PIWIL2: variants seen among roughly 807,000 people sequenced by gnomAD.
PIWIL2 encodes piwi-like protein 2.
Under a neutral mutation model 116.5 loss-of-function variants are expected in PIWIL2, and 81 were observed. The observed-to-expected ratio is 0.70, with a 90% CI of 0.58 to 0.84. The LOEUF is 0.84. Among genes scored for constraint, PIWIL2 ranks in the 40% least tolerant of loss-of-function variants. PIWIL2 has a pLI of 0.00. For missense variants in PIWIL2, 1,272 were observed against 1,212.3 expected (o/e 1.05, Z -0.73); for synonymous variants, 489 against 429.5 (o/e 1.14, Z -1.71).
In PIWIL2 at chr8:22,281,318, C is replaced by A. The variant is rs1830494165; in HGVS notation, c.287-59C>A. The A allele has an allele frequency of 3.3e-6, 5 of 1,529,744 alleles. No homozygotes were observed. In the Admixed American group the frequency reaches 8.7e-5, roughly 27 times the overall value. 94.8% of individuals were successfully genotyped at this position (1,529,744 alleles called of 1,614,324 possible). Reference sequence around the variant, plus strand: ...ACTGTGCTTTTTTTAAAAAAAAAAACTATACTTTAAAACACGTTTAAGTCA... The same window carrying A: ...ACTGTGCTTTTTTTAAAAAAAAAAAATATACTTTAAAACACGTTTAAGTCA... On this transcript the variant is annotated intron_variant, in intron 3 of 22. Transcript: ENST00000356766.
chr8:22,334,752 T>C (rs1283275749), intron 20 of PIWIL2, among the ~76,000 whole-genome samples: 1 of 151,934 alleles, frequency 6.6e-6, no homozygotes, highest in East Asian at 1.9e-4. Flanking sequence ...GGCAAGATTA[T>C]TGTAAATTAA....
chr8:22,340,382 C>T (rs1281107126), intron 20 of PIWIL2, among the ~76,000 whole-genome samples: 2 of 152,114 alleles, frequency 1.3e-5, no homozygotes, highest in Non-Finnish European at 2.9e-5. Flanking sequence ...GCATTGAGAC[C>T]ATACTACGTT....
chr8:22,314,273 T>TA, intron 16 of PIWIL2, 55 bp from the exon 17 acceptor site: 3 of 960,178 alleles, frequency 3.1e-6, no homozygotes, highest in Non-Finnish European at 4.5e-6. Context: ...TAGAGTCCTG[T>TA]AAAAGTCCCC....
intron 13 of PIWIL2, among the ~76,000 whole-genome samples, chr8:22,307,228 C>G (rs926412460): frequency 3.3e-5 from 5 of 152,184 alleles, no homozygotes; most frequent in South Asian, 2.1e-4. Context: ...AGCTATGTTG[C>G]CCAGGCTGGT....
Position 22,351,440 on chromosome 8 carries a change from C to CATATATATATAT in PIWIL2, c.2404-1487_2404-1476dup, listed in dbSNP as rs71544885. Among the ~76,000 whole-genome samples the CATATATATATAT allele has an allele frequency of 4.5e-3, 235 of 52,764 alleles. 5 individuals are homozygous for CATATATATATAT. The highest frequency in any genetic ancestry group is 5.8e-3 in the Non-Finnish European group (147 of 25,454). The allele number at this position is 52,764 out of a possible 152,430, so 34.6% of individuals were successfully genotyped here. ...ACCTGTAAGGAACAGTGCATACATA[C>CATATATATATAT]ATATATATATATATATATATATATA... On this transcript the variant is annotated intron_variant, in intron 20 of 22. Transcript: ENST00000356766.
rs1586556572 is a variant in PIWIL2, at chr8:22,301,860, T to G, written c.1182-2161T>G. On this transcript the variant is annotated intron_variant, in intron 10 of 22. Coordinates refer to ENST00000356766, the MANE Select transcript of PIWIL2 (RefSeq NM_018068.5). ...GTTTAAGTATCATAGCACTGTTTCT[T>G]GAAAAGATTGTCCTTCCCTACTGAT... Among the ~76,000 whole-genome samples, 3 of 152,306 alleles carry G rather than the reference T, an allele frequency of 2.0e-5. No homozygotes were observed. The East Asian group carries it at 5.8e-4, about 29-fold the overall frequency.
At chr8:22,335,112 T>TC (rs1391836406) in intron 20 of PIWIL2, among the ~76,000 whole-genome samples, 2 of 148,012 alleles carry the variant, frequency 1.4e-5, no homozygotes, top group African/African-American at 2.5e-5. Flanking sequence ...AGAAAATAAC[T>TC]CCAAGATATA....
At chr8:22,324,409 C>G (rs1413454878) in intron 20 of PIWIL2, among the ~76,000 whole-genome samples, 1 of 152,162 alleles carries the variant, frequency 6.6e-6, no homozygotes, top group Non-Finnish European at 1.5e-5. Context: ...CTGATCTAGA[C>G]TGCCGGCAGC....
At chr8:22,348,231 C>T (rs746190549) in intron 20 of PIWIL2, among the ~76,000 whole-genome samples, 1 of 149,858 alleles carries the variant, frequency 6.7e-6, no homozygotes, top group African/African-American at 2.5e-5. Flanking sequence ...ACCCGGGAGG[C>T]GGAGGTTGCA....
chr8:22,329,384 C>G (rs867120989), intron 20 of PIWIL2, among the ~76,000 whole-genome samples: 4 of 152,178 alleles, frequency 2.6e-5, no homozygotes, highest in Non-Finnish European at 4.4e-5. Flanking sequence ...ATCCACTCAG[C>G]TGCTAGGGAG....
At chr8:22,322,860 T>G (rs1401492707) in intron 20 of PIWIL2, among the ~76,000 whole-genome samples, 1 of 152,138 alleles carries the variant, frequency 6.6e-6, no homozygotes, top group East Asian at 1.9e-4. Flanking sequence ...TTTCTTAGAA[T>G]TATCTCAGGT....
At chr8:22,327,529 A>G (rs573404179) in intron 20 of PIWIL2, among the ~76,000 whole-genome samples, 1 of 147,352 alleles carries the variant, frequency 6.8e-6, no homozygotes, top group African/African-American at 2.5e-5. Context: ...CACCACGCCC[A>G]GCTAATTTTG....
At chr8:22,322,256 C>A (rs372904238) in intron 20 of PIWIL2, among the ~76,000 whole-genome samples, 2 of 151,854 alleles carry the variant, frequency 1.3e-5, no homozygotes, top group Non-Finnish European at 2.9e-5. Context: ...GCCCCTCCCC[C>A]CCACCTTTTT....
intron 20 of PIWIL2, among the ~76,000 whole-genome samples, chr8:22,333,562 A>G (rs1000630805): frequency 6.6e-6 from 1 of 152,100 alleles, no homozygotes; most frequent in East Asian, 1.9e-4. Flanking sequence ...CGGTGAGCCA[A>G]TATCACGCCA....
intron 20 of PIWIL2, among the ~76,000 whole-genome samples, chr8:22,352,560 A>G (rs1832396987): frequency 6.6e-6 from 1 of 152,208 alleles, no homozygotes; most frequent in Non-Finnish European, 1.5e-5. Flanking sequence ...GTCATATGTT[A>G]GAATTTCTCT....
intron 20 of PIWIL2, among the ~76,000 whole-genome samples, chr8:22,328,817 CGT>C (rs1563408427): frequency 4.3e-4 from 20 of 46,564 alleles, no homozygotes; most frequent in Admixed American, 3.1e-4. Flanking sequence ...GAGCTCTAGT[CGT>C]TTTTTTTTTT....
At position 22,279,375 on chromosome 8, in the gene PIWIL2, T is replaced by C; in HGVS notation, c.-12T>C. On this transcript the variant is annotated 5_prime_UTR_variant, in exon 2 of 23. Transcript: ENST00000356766. The stretch of plus-strand genomic sequence containing the variant: ...CAGAACAGGATCGACACGTGTTCTC[T>C]ACAGCCCGTCCATGGATCCTTTCCG... 3.1e-6 allele frequency: 5 copies of C among 1,611,792 alleles called. No individual in the cohort carries two copies. Among genetic ancestry groups the C allele is most frequent in the Non-Finnish European group, 4.2e-6 (5 of 1,177,840 alleles).
intron 20 of PIWIL2, among the ~76,000 whole-genome samples, chr8:22,334,333 C>A (rs1391705978): frequency 2.0e-5 from 3 of 151,524 alleles, no homozygotes; most frequent in Non-Finnish European, 4.4e-5. Context: ...AGGTGGCTCA[C>A]ACCTATAGTG....
intron 20 of PIWIL2, among the ~76,000 whole-genome samples, chr8:22,330,063 A>G (rs1831821045): frequency 6.6e-6 from 1 of 152,146 alleles, no homozygotes; most frequent in South Asian, 2.1e-4. Context: ...TCCTTTTGAG[A>G]CAGCAAATAT....
Sources: allele counts gnomAD v4.1 joint callset (sites outside exome capture counted in the v4.1 genomes callset), GRCh38; gene constraint gnomAD v4.1.1; transcripts MANE v1.5; gene names NCBI Gene and HGNC (gene_info 2026-07-23, HGNC 2026-07-21).